The following PHF14 variants were observed in gnomAD, a reference collection of about 807,000 sequenced individuals.
PHF14 encodes PHD finger protein 14.
In PHF14, 55 loss-of-function variants were observed where a neutral mutation model predicts 117.9. The ratio of observed to expected loss-of-function variants is 0.47; its 90% CI spans 0.38 to 0.58. The LOEUF (loss-of-function observed/expected upper bound fraction) is 0.58. PHF14 is among the 20% of genes least tolerant of loss of function. PHF14 has a pLI of 0.00. For missense variants in PHF14, 978 were observed against 1,122.2 expected (o/e 0.87, Z 1.84); for synonymous variants, 409 against 368.6 (o/e 1.11, Z -1.26).
chr7:11,060,319 A>G (rs1785176417), intron 14 of PHF14, among the ~76,000 whole-genome samples: 1 of 152,160 alleles, frequency 6.6e-6, no homozygotes, highest in South Asian at 2.1e-4. Context: ...TGGGTGTAGA[A>G]AGATGAATAT....
intron 17 of PHF14, among the ~76,000 whole-genome samples, chr7:11,152,773 T>C (rs1282343234): frequency 6.6e-6 from 1 of 151,854 alleles, no homozygotes. Context: ...ACAATCTGAG[T>C]GATGGAGGAA....
intron 16 of PHF14, among the ~76,000 whole-genome samples, chr7:11,067,729 G>T (rs574167166): frequency 6.6e-6 from 1 of 152,174 alleles, no homozygotes; most frequent in Non-Finnish European, 1.5e-5. Flanking sequence ...TTGGGCATCT[G>T]CATCTGGTGA....
intron 17 of PHF14, among the ~76,000 whole-genome samples, chr7:11,114,768 C>T (rs1023174930): frequency 6.6e-6 from 1 of 152,014 alleles, no homozygotes; most frequent in African/African-American, 2.4e-5. Flanking sequence ...CATACAAATA[C>T]ACAGAGACAC....
At chr7:11,103,276 A>G (rs905980846) in intron 16 of PHF14, 1 of 851,264 alleles carries the variant, frequency 1.2e-6, no homozygotes, top group Non-Finnish European at 1.4e-6. Context: ...TATTTTTAGT[A>G]ATACCCAAAT....
chr7:11,066,047 A>G (rs1785414722), intron 16 of PHF14, among the ~76,000 whole-genome samples: 1 of 152,184 alleles, frequency 6.6e-6, no homozygotes, highest in Admixed American at 6.5e-5. Flanking sequence ...GTATATGGCA[A>G]ATTACATAGG....
intron 14 of PHF14, among the ~76,000 whole-genome samples, chr7:11,056,710 A>T (rs770791202): frequency 8.1e-4 from 122 of 150,534 alleles, no homozygotes; most frequent in Non-Finnish European, 1.4e-3. Flanking sequence ...TTTAGGAATT[A>T]TGTATATGTA....
chr7:11,019,105 T>C (rs952966152), intron 5 of PHF14, among the ~76,000 whole-genome samples: 2 of 152,128 alleles, frequency 1.3e-5, no homozygotes, highest in Non-Finnish European at 2.9e-5. Flanking sequence ...GTCATAATGA[T>C]CTTTCTAACG....
chr7:11,152,197 G>T lies in PHF14; in HGVS notation c.2773-17219G>T, dbSNP rs113643901. 7.1e-3 allele frequency among the ~76,000 whole-genome samples: 1,076 copies of T among 152,208 alleles called. 13 individuals are homozygous for T. Among genetic ancestry groups the T allele is most frequent in the African/African-American group, 0.025 (1,033 of 41,532 alleles). ...ATTGAGCAAAAATTGGATTGTTTTG[G>T]AAAAGTATGTGAAGCTTTTAAAATT... On this transcript the variant is annotated intron_variant, in intron 17 of 17. Coordinates refer to ENST00000634607, the MANE Select transcript of PHF14 (RefSeq NM_001007157.2).
intron 14 of PHF14, among the ~76,000 whole-genome samples, chr7:11,056,161 T>G (rs980069136): frequency 3.3e-5 from 5 of 152,172 alleles, no homozygotes; most frequent in African/African-American, 1.2e-4. Context: ...AGATCTACTC[T>G]GTGGGTGTCC....
intron 16 of PHF14, among the ~76,000 whole-genome samples, chr7:11,092,187 C>G (rs1358176036): frequency 6.6e-6 from 1 of 152,162 alleles, no homozygotes; most frequent in Non-Finnish European, 1.5e-5. Flanking sequence ...CCCCCTTTAT[C>G]TGTTTTGTAT....
intron 14 of PHF14, among the ~76,000 whole-genome samples, chr7:11,058,249 T>A (rs879486009): frequency 9.9e-5 from 15 of 152,212 alleles, no homozygotes; most frequent in Non-Finnish European, 1.9e-4. Flanking sequence ...TTTTCGTTTT[T>A]CTTGCTTTTT....
chr7:11,040,134 G>T (rs764168818), intron 11 of PHF14, among the ~76,000 whole-genome samples: 22 of 151,630 alleles, frequency 1.5e-4, no homozygotes, highest in African/African-American at 4.8e-5. Flanking sequence ...TTTTTTTTCA[G>T]TTGGTTGAAC....
At chr7:11,072,297 C>G (rs539535642) in intron 16 of PHF14, among the ~76,000 whole-genome samples, 1 of 152,244 alleles carries the variant, frequency 6.6e-6, no homozygotes, top group South Asian at 2.1e-4. Context: ...AACTCACCAT[C>G]ATGAGAACAG....
intron 17 of PHF14, among the ~76,000 whole-genome samples, chr7:11,143,583 TAAAG>T (rs946520944): frequency 1.3e-5 from 2 of 152,160 alleles, no homozygotes; most frequent in Admixed American, 6.6e-5. Context: ...AAATAAAAGA[TAAAG>T]AAAATAAAAG....
At chr7:11,066,948 A>C (rs1463526473) in intron 16 of PHF14, among the ~76,000 whole-genome samples, 1 of 152,202 alleles carries the variant, frequency 6.6e-6, no homozygotes, top group Non-Finnish European at 1.5e-5. Context: ...TAATAACAGC[A>C]ACAAAAAATT....
intron 16 of PHF14, among the ~76,000 whole-genome samples, chr7:11,100,219 G>A (rs552952655): frequency 6.6e-6 from 1 of 152,098 alleles, no homozygotes; most frequent in African/African-American, 2.4e-5. Context: ...GAAACGAGGT[G>A]AACTGAATTT....
intron 13 of PHF14, among the ~76,000 whole-genome samples, chr7:11,048,299 G>A (rs557717039): frequency 9.2e-5 from 14 of 152,240 alleles, no homozygotes; most frequent in East Asian, 7.7e-4. Context: ...TCAGCTGGGC[G>A]TGGTGGCTCA....
At chr7:11,004,464 A>T (rs574100203) in intron 4 of PHF14, among the ~76,000 whole-genome samples, 17 of 150,802 alleles carry the variant, frequency 1.1e-4, no homozygotes, top group African/African-American at 3.9e-4. Flanking sequence ...TATTGTCACT[A>T]TGGTTTCTCC....
chr7:11,156,126 C>T (rs1422233134), intron 17 of PHF14, among the ~76,000 whole-genome samples: 1 of 152,158 alleles, frequency 6.6e-6, no homozygotes, highest in African/African-American at 2.4e-5. Flanking sequence ...CAGTTCAAAA[C>T]AGTTTTAAAC....
Sources: gnomAD v4.1 joint callset for allele counts (sites outside exome capture counted in the v4.1 genomes callset) on GRCh38, gnomAD v4.1.1 for gene constraint, MANE v1.5 for transcripts, NCBI Gene and HGNC (gene_info 2026-07-23, HGNC 2026-07-21) for gene names.